Variants in CELF4 observed in about 807,000 individuals in gnomAD.
CELF4 encodes the protein CUG-BP- and ETR-3-like factor 4.
Under a neutral mutation model 59.9 loss-of-function variants are expected in CELF4, and 18 were observed. The observed-to-expected ratio is 0.30, with a 90% CI of 0.21 to 0.45. The LOEUF (loss-of-function observed/expected upper bound fraction) is 0.45, where lower values mean the gene tolerates loss of function less well. Ranked by LOEUF, CELF4 falls within the 20% of genes least tolerant of loss-of-function variation. The pLI is 1.00. For synonymous variants in CELF4, 261 were observed against 267.1 expected, an observed-to-expected ratio of 0.98 and a Z score of 0.22; for missense variants, 456 against 689.0, an observed-to-expected ratio of 0.66 and a Z score of 3.79.
chr18:37,382,305 G>A (rs1356713448), intron 2 of CELF4, among the ~76,000 whole-genome samples: 4 of 152,218 alleles, frequency 2.6e-5, no homozygotes, highest in African/African-American at 7.2e-5. Context: ...TGGCTCTTGA[G>A]CATGTTCTAA....
intron 3 of CELF4, among the ~76,000 whole-genome samples, chr18:37,310,496 C>T (rs1236202806): frequency 6.6e-6 from 1 of 152,196 alleles, no homozygotes; most frequent in East Asian, 1.9e-4. Context: ...TGGGGTCTTC[C>T]AAGCCTGCCT....
chr18:37,420,317 G>T (rs2099570106), intron 2 of CELF4, among the ~76,000 whole-genome samples: 1 of 152,244 alleles, frequency 6.6e-6, no homozygotes. Context: ...GCCACTGAAT[G>T]TCTCAGCACC....
chr18:37,272,671 A>G (rs2091880682), intron 7 of CELF4, among the ~76,000 whole-genome samples: 1 of 151,626 alleles, frequency 6.6e-6, no homozygotes, highest in Admixed American at 6.6e-5. Context: ...GGCTCTTCTC[A>G]TCATAGACAC....
intron 2 of CELF4, among the ~76,000 whole-genome samples, chr18:37,397,481 T>G (rs2099259553): frequency 6.6e-6 from 1 of 152,024 alleles, no homozygotes; most frequent in Admixed American, 6.5e-5. Context: ...CAGGCTTTGG[T>G]TTTCTCATCT....
chr18:37,308,243 C>T (rs1366486809), intron 3 of CELF4, among the ~76,000 whole-genome samples: 1 of 152,160 alleles, frequency 6.6e-6, no homozygotes, highest in Admixed American at 6.5e-5. Flanking sequence ...CGAAGACTCC[C>T]CATCATCTTC....
chr18:37,346,191 C>G (rs8084301), intron 2 of CELF4, among the ~76,000 whole-genome samples: 46 of 152,184 alleles, frequency 3.0e-4, no homozygotes, highest in African/African-American at 1.0e-3. Flanking sequence ...CCCACCTCCT[C>G]CAACTGGCCT....
At chr18:37,558,431 T>A (rs2099985523) in intron 1 of CELF4, among the ~76,000 whole-genome samples, 1 of 149,964 alleles carries the variant, frequency 6.7e-6, no homozygotes, top group African/African-American at 2.5e-5. Flanking sequence ...ACTTCTCTTA[T>A]GTTGCCGAAT....
At chr18:37,427,152 C>T (rs2099619604) in intron 2 of CELF4, among the ~76,000 whole-genome samples, 1 of 152,134 alleles carries the variant, frequency 6.6e-6, no homozygotes, top group Admixed American at 6.5e-5. Flanking sequence ...CTTCTCCTCT[C>T]ATCAGCTGGA....
chr18:37,323,231 C>T (rs1377560487), intron 2 of CELF4, among the ~76,000 whole-genome samples: 1 of 151,992 alleles, frequency 6.6e-6, no homozygotes, highest in African/African-American at 2.4e-5. Flanking sequence ...AGGAAGGAGG[C>T]ACAGGTAGCC....
At chr18:37,504,010 A>G (rs1348248621) in intron 1 of CELF4, among the ~76,000 whole-genome samples, 8 of 152,136 alleles carry the variant, frequency 5.3e-5, no homozygotes, top group Non-Finnish European at 5.9e-5. Context: ...CCAGGAGAGG[A>G]TGGGAGTTCC....
intron 3 of CELF4, among the ~76,000 whole-genome samples, chr18:37,316,575 C>T (rs1319096819): frequency 6.6e-6 from 1 of 152,110 alleles, no homozygotes; most frequent in African/African-American, 2.4e-5. Flanking sequence ...AGCCCAACCC[C>T]TTGGCCTTGT....
chr18:37,256,757 GTA>G, intron 11 of CELF4, among the ~76,000 whole-genome samples: 1 of 152,054 alleles, frequency 6.6e-6, no homozygotes, highest in East Asian at 1.9e-4. Flanking sequence ...GCTAATTTTT[GTA>G]TTTTTAGTAG....
chr18:37,247,320 A>T (rs1242261088), intron 12 of CELF4: 1 of 138,874 alleles, frequency 7.2e-6, no homozygotes, highest in Non-Finnish European at 1.5e-5. Context: ...GAAAAGATTT[A>T]TATATATATT....
intron 3 of CELF4, among the ~76,000 whole-genome samples, chr18:37,294,384 C>A (rs1173186136): frequency 6.6e-6 from 1 of 152,156 alleles, no homozygotes; most frequent in African/African-American, 2.4e-5. Flanking sequence ...TCTGTCCAGC[C>A]AGCTCTGAGT....
intron 2 of CELF4, among the ~76,000 whole-genome samples, chr18:37,435,265 T>C (rs1227429304): frequency 6.6e-6 from 1 of 150,816 alleles, no homozygotes; most frequent in Non-Finnish European, 1.5e-5. Flanking sequence ...AAAGATTACA[T>C]ATCTTGCAGG....
intron 2 of CELF4, among the ~76,000 whole-genome samples, chr18:37,378,205 C>T (rs577543377): frequency 2.6e-5 from 4 of 152,186 alleles, no homozygotes; most frequent in South Asian, 2.1e-4. Context: ...ACAGAGGCTA[C>T]GAGAGGACTG....
chr18:37,275,564 G>T, intron 3 of CELF4: 1 of 363,714 alleles, frequency 2.7e-6, no homozygotes, highest in Non-Finnish European at 5.2e-6. Flanking sequence ...GAGGAGCAGA[G>T]ACCCTGGGCT....
chr18:37,544,472 G>A (rs1268481046), intron 1 of CELF4, among the ~76,000 whole-genome samples: 1 of 152,130 alleles, frequency 6.6e-6, no homozygotes, highest in Non-Finnish European at 1.5e-5. Context: ...AGCTGTGTGA[G>A]GTGCTGAGCA....
chr18:37,282,755 T>C, intron 3 of CELF4, among the ~76,000 whole-genome samples: 1 of 152,140 alleles, frequency 6.6e-6, no homozygotes, highest in Admixed American at 6.5e-5. Flanking sequence ...CCTGCAGCTA[T>C]GTGACCAGGC....
Sources: gnomAD v4.1 joint callset for allele counts (sites outside exome capture counted in the v4.1 genomes callset) on GRCh38, gnomAD v4.1.1 for gene constraint, MANE v1.5 for transcripts, NCBI Gene and HGNC (gene_info 2026-07-23, HGNC 2026-07-21) for gene names.